Variants in PLEK2 observed in about 807,000 individuals in gnomAD.
The protein encoded by PLEK2 is pleckstrin-2.
Under a neutral mutation model 43.8 loss-of-function variants are expected in PLEK2, and 29 were observed. The ratio of observed to expected loss-of-function variants is 0.66; its 90% CI spans 0.49 to 0.90. The LOEUF (loss-of-function observed/expected upper bound fraction) is 0.90, where lower values mean the gene tolerates loss of function less well. Ranked by LOEUF, PLEK2 falls within the 40% of genes least tolerant of loss-of-function variation. The pLI is 0.00. For synonymous variants in PLEK2, 162 were observed against 173.2 expected (o/e 0.94, Z 0.51); for missense variants, 398 against 448.1 (o/e 0.89, Z 1.01).
chr14:67,391,571 A>T (rs963140105), intron 6 of PLEK2, among the ~76,000 whole-genome samples: 7 of 152,326 alleles, frequency 4.6e-5, no homozygotes, highest in Middle Eastern at 3.4e-3. Flanking sequence ...ACATGCTCCG[A>T]GTAACGATGG....
At position 67,393,442 on chromosome 14, in the gene PLEK2, TTTG is replaced by T. The variant is rs1314504144; in HGVS notation, c.390-204_390-202del. Among the ~76,000 whole-genome samples the T allele has an allele frequency of 2.3e-4, 35 of 152,122 alleles. 1 individual carries two copies. Among genetic ancestry groups the T allele is most frequent in the Admixed American group, 1.2e-3 (18 of 15,276 alleles). ...AGTGAAGCCGCCATGATGATTGATT[TTTG>T]TTGTTGTTGTTTTTTGTTTGTTTTT... On this transcript the variant is annotated intron_variant, in intron 3 of 8. Transcript: ENST00000216446.
chr14:67,411,903 T>C, intron 1 of PLEK2, 115 bp downstream of exon 1: 2 of 947,232 alleles, frequency 2.1e-6, no homozygotes, highest in South Asian at 1.7e-5. Context: ...ACCATGGGGG[T>C]TGGGGATGGG....
At chr14:67,393,967 C>T (rs1049346737) in intron 3 of PLEK2, among the ~76,000 whole-genome samples, 27 of 152,148 alleles carry the variant, frequency 1.8e-4, no homozygotes, top group Non-Finnish European at 2.9e-4. Context: ...CCAGCAGGGA[C>T]ATCACTTCTG....
rs768452326 is a variant in PLEK2 at position 67,395,411 on chromosome 14, A to T, written c.380T>A (p.Ile127Asn). 1 of 1,613,750 alleles carries T rather than the reference A, an allele frequency of 6.2e-7. No individual in the cohort carries two copies. The part of the protein sequence containing the change: ...LRNSFKLPPH[I>N]SLHRIVDKMH... ...CAAGTGGGGCACTCACTGCAGGCTG[A>T]TGTGCGGGGGCAGCTTGAAGGAGTT... Residue 127 changes from isoleucine (I) to asparagine (N), a missense_variant, in exon 3 of 9, where the codon ATC becomes AAC. Transcript: ENST00000216446.
chr14:67,387,554 A>G (rs990261375), intron 8 of PLEK2, 98 bp from the exon 9 acceptor site: 6 of 1,201,954 alleles, frequency 5.0e-6, no homozygotes, highest in Non-Finnish European at 7.1e-6. Flanking sequence ...GGACAAAAAC[A>G]TACAATGATG....
At chr14:67,391,119 G>C (rs1440650917) in intron 6 of PLEK2, among the ~76,000 whole-genome samples, 1 of 152,176 alleles carries the variant, frequency 6.6e-6, no homozygotes, top group Non-Finnish European at 1.5e-5. Flanking sequence ...TAAGGGCCAA[G>C]TCAGTCCAAA....
chr14:67,390,674 C>A lies in PLEK2; in HGVS notation c.844G>T (p.Asp282Tyr). ...RKDPAFLHYY[D>Y]PSKEENRPVG... ...GCATGCGCACTCACTTTGGAAGGGT[C>A]ATAGTAATGCAGGAAAGCTGGATCC... The change falls in exon 7 of 9, where the codon GAC becomes TAC. Residue 282 changes from aspartate (D) to tyrosine (Y), a missense_variant. Coordinates refer to ENST00000216446, the MANE Select transcript of PLEK2 (RefSeq NM_016445.3). 6.2e-7 allele frequency: 1 copy of A among 1,611,370 alleles called. No individual in the cohort carries two copies. The highest frequency in any genetic ancestry group is 8.5e-7 in the Non-Finnish European group (1 of 1,177,524).
chr14:67,392,965 G>T, intron 4 of PLEK2, 116 bp from the exon 5 acceptor site: 2 of 917,206 alleles, frequency 2.2e-6, no homozygotes, highest in Non-Finnish European at 1.7e-6. Flanking sequence ...CTACGCAAGA[G>T]CAGACTGAAG....
At position 67,388,284 on chromosome 14, in the gene PLEK2, C is replaced by T; in HGVS notation, c.874G>A (p.Gly292Ser). 1 of 1,612,224 alleles carries T rather than the reference C, an allele frequency of 6.2e-7. No individual in the cohort carries two copies. Among genetic ancestry groups the T allele is most frequent in the Non-Finnish European group, 8.5e-7 (1 of 1,178,298 alleles). ...AGTGAACCACGAAGAGAAAACCCAC[C>T]CACTGGCCTGTTCTCTTCCTGTAGA... ...DPSKEENRPV[G>S]GFSLRGSLVS... is the part of the protein sequence containing the mutation. Residue 292 changes from glycine to serine, a missense_variant, in exon 8 of 9, where the codon GGT becomes AGT. By Grantham distance (56) the Gly-to-Ser change is moderately conservative (BLOSUM62 0). Transcript: ENST00000216446.
intron 1 of PLEK2, among the ~76,000 whole-genome samples, chr14:67,402,893 T>TA (rs1178433892): frequency 6.6e-6 from 1 of 152,246 alleles, no homozygotes; most frequent in Non-Finnish European, 1.5e-5. Flanking sequence ...GGTGTGCAGA[T>TA]ATCTCTTCAA....
chr14:67,392,958 C>T (rs2085980196), intron 4 of PLEK2, 109 bp from the exon 5 acceptor site: 7 of 982,374 alleles, frequency 7.1e-6, no homozygotes, highest in Non-Finnish European at 9.2e-6. Flanking sequence ...CAGGGCTCTA[C>T]GCAAGAGCAG....
chr14:67,393,386 C>T, intron 3 of PLEK2, 145 bp from the exon 4 acceptor site: 1 of 689,556 alleles, frequency 1.5e-6, no homozygotes. Flanking sequence ...GGAAAGCAGC[C>T]TTTTGAATGG....
chr14:67,398,219 G>GT (rs11366762), intron 1 of PLEK2, among the ~76,000 whole-genome samples: 2,917 of 151,744 alleles, frequency 0.019, 43 homozygotes, highest in East Asian at 0.061. Flanking sequence ...TTATTTTCTA[G>GT]TTTTTTTTGT....
chr14:67,388,629 C>A (rs1400565480), intron 7 of PLEK2, among the ~76,000 whole-genome samples: 1 of 152,170 alleles, frequency 6.6e-6, no homozygotes, highest in East Asian at 1.9e-4. Context: ...CACTGGCTTC[C>A]TTAACCCTTG....
chr14:67,399,162 G>T (rs576433193), intron 1 of PLEK2, among the ~76,000 whole-genome samples: 1 of 152,338 alleles, frequency 6.6e-6, no homozygotes, highest in African/African-American at 2.4e-5. Flanking sequence ...TACCTAGCCA[G>T]GTGTGGCAGG....
chr14:67,410,519 T>G (rs2086109655), intron 1 of PLEK2, among the ~76,000 whole-genome samples: 1 of 152,190 alleles, frequency 6.6e-6, no homozygotes, highest in African/African-American at 2.4e-5. Context: ...CAAGTGGGCG[T>G]GGCGCTTTGT....
chr14:67,411,773 A>C (rs2086116667), intron 1 of PLEK2, among the ~76,000 whole-genome samples: 1 of 152,136 alleles, frequency 6.6e-6, no homozygotes, highest in African/African-American at 2.4e-5. Context: ...CCCTGCCCCG[A>C]CTCCATACTG....
At chr14:67,409,877 G>A (rs767922749) in intron 1 of PLEK2, among the ~76,000 whole-genome samples, 18 of 152,210 alleles carry the variant, frequency 1.2e-4, no homozygotes, top group Non-Finnish European at 2.1e-4. Flanking sequence ...GAGTAGAGGG[G>A]ATATGGAGGG....
At chr14:67,387,494 A>C in intron 8 of PLEK2, 38 bp from the exon 9 acceptor site, 14 of 1,594,710 alleles carry the variant, frequency 8.8e-6, no homozygotes, top group Non-Finnish European at 1.2e-5. Flanking sequence ...CAGTGATTGA[A>C]TAGCCATGTC....
Sources: allele counts gnomAD v4.1 joint callset (sites outside exome capture counted in the v4.1 genomes callset), GRCh38; gene constraint gnomAD v4.1.1; transcripts MANE v1.5; gene names NCBI Gene and HGNC (gene_info 2026-07-23, HGNC 2026-07-21).